The following ASB8 variants were observed in gnomAD, a reference collection of about 807,000 sequenced individuals.
ASB8 encodes the protein ankyrin repeat and SOCS box protein 8.
Under a neutral mutation model 22.9 loss-of-function variants are expected in ASB8, and 15 were observed. The ratio of observed to expected loss-of-function variants is 0.66; its 90% CI spans 0.44 to 1.01. The LOEUF is 1.01. Ranked by LOEUF, ASB8 falls within the 50% of genes least tolerant of loss-of-function variation. The pLI is 0.00. For missense variants in ASB8, 294 were observed against 356.9 expected (o/e 0.82, Z 1.42); for synonymous variants, 124 against 140.8 (o/e 0.88, Z 0.84).
At chr12:48,150,095 T>C (rs781163641) in intron 3 of ASB8, 97 bp from the exon 4 acceptor site, 147 of 1,353,196 alleles carry the variant, frequency 1.1e-4, no homozygotes, top group African/African-American at 2.9e-5. Flanking sequence ...ACCTTTGCTA[T>C]GCAGTGCTCT....
At chr12:48,151,383 G>C in intron 2 of ASB8, 78 bp from the exon 3 acceptor site, 2 of 1,214,210 alleles carry the variant, frequency 1.6e-6, no homozygotes, top group Middle Eastern at 2.2e-4. Context: ...ACTGAGTCCA[G>C]GGGACAGAGA....
chr12:48,148,171 A>G lies in ASB8; in HGVS notation c.*1195T>C, dbSNP rs560518357. On this transcript the variant is annotated 3_prime_UTR_variant, in exon 4 of 4. Transcript: ENST00000317697. Reference sequence around the variant, plus strand: ...GAACAACTGAAAGAAAAATAATTCCAAACTAAGCAGAGTGAACTTTCCATT... The same window carrying G: ...GAACAACTGAAAGAAAAATAATTCCGAACTAAGCAGAGTGAACTTTCCATT... 1 of 152,348 alleles carries G rather than the reference A, an allele frequency of 6.6e-6. No homozygotes were observed. The highest frequency in any genetic ancestry group is 1.5e-5 in the Non-Finnish European group (1 of 68,036). The allele number at this position is 152,348 out of a possible 1,614,324, so 9.4% of individuals were successfully genotyped here.
intron 3 of ASB8, 181 bp from the exon 4 acceptor site, chr12:48,150,179 C>T: frequency 1.4e-6 from 1 of 728,156 alleles, no homozygotes; most frequent in Non-Finnish European, 2.4e-6. Context: ...AGCTTAGGAG[C>T]AAAAAGGAAA....
At chr12:48,154,165 A>G (rs1951252817) in intron 1 of ASB8, among the ~76,000 whole-genome samples, 1 of 152,210 alleles carries the variant, frequency 6.6e-6, no homozygotes, top group African/African-American at 2.4e-5. Flanking sequence ...AACATTTTCA[A>G]ATGTGTTCAG....
chr12:48,155,218 C>T (rs947558068), intron 1 of ASB8, among the ~76,000 whole-genome samples: 6 of 152,138 alleles, frequency 3.9e-5, no homozygotes, highest in African/African-American at 1.4e-4. Context: ...AGTATCAGCT[C>T]TCTAGGTGCA....
intron 2 of ASB8, chr12:48,151,663 G>A (rs1165665376): frequency 7.4e-7 from 1 of 1,344,720 alleles, no homozygotes; most frequent in African/African-American, 1.5e-5. Context: ...TGGCCACCAT[G>A]CTCTGGAAAA....
chr12:48,151,660 C>G, intron 2 of ASB8: 1 of 1,350,088 alleles, frequency 7.4e-7, no homozygotes, highest in Non-Finnish European at 9.7e-7. Context: ...CTATGGCCAC[C>G]ATGCTCTGGA....
Position 48,153,486 on chromosome 12 carries a change from C to T in ASB8, c.11G>A (p.Ser4Asn), listed in dbSNP as rs1236502805. 6.2e-7 allele frequency: 1 copy of T among 1,613,924 alleles called. No homozygotes were observed. The highest frequency in any genetic ancestry group is 1.7e-5 in the Admixed American group (1 of 60,020). ...AATGCTCTGCATAATATACCACATACTGGAACTCATCAAGGCTCAAGGTGT... is the reference window on the plus strand; with the variant it reads ...AATGCTCTGCATAATATACCACATATTGGAACTCATCAAGGCTCAAGGTGT... MSS[S>N]MWYIMQSIQS... Residue 4 changes from serine (S) to asparagine (N), a missense_variant, in exon 2 of 4, where the codon AGT becomes AAT. Physicochemically the swap from Ser to Asn is conservative, Grantham distance 46. Coordinates refer to ENST00000317697, the MANE Select transcript of ASB8 (RefSeq NM_024095.5).
chr12:48,154,442 C>A (rs1335320081), intron 1 of ASB8, among the ~76,000 whole-genome samples: 3 of 144,590 alleles, frequency 2.1e-5, no homozygotes, highest in Non-Finnish European at 4.5e-5. Context: ...GATCGGGCCA[C>A]CGCACTCCAG....
chr12:48,155,734 A>T (rs1467295099), intron 1 of ASB8, among the ~76,000 whole-genome samples: 28 of 107,838 alleles, frequency 2.6e-4, no homozygotes, highest in East Asian at 7.6e-4. Flanking sequence ...CATCTCAAAA[A>T]AAAAAAAAAT....
intron 2 of ASB8, chr12:48,151,625 G>A (rs1364962021): frequency 9.3e-6 from 13 of 1,396,978 alleles, no homozygotes; most frequent in Non-Finnish European, 9.4e-7. Context: ...CATCAGGCAG[G>A]AAAGCTGGAC....
Position 48,149,256 on chromosome 12 carries a change from T to C in ASB8, c.*110A>G. 8.1e-7 allele frequency: 1 copy of C among 1,238,878 alleles called. No individual in the cohort carries two copies. The allele number at this position is 1,238,878 out of a possible 1,614,324, so 76.7% of individuals were successfully genotyped here. On this transcript the variant is annotated 3_prime_UTR_variant, in exon 4 of 4. Coordinates refer to ENST00000317697, the MANE Select transcript of ASB8 (RefSeq NM_024095.5). ...TGTTGTGACATGTTGCTTCGAAATC[T>C]ATAAACCACACAACAGGAACAACTG...
chr12:48,152,977 C>T (rs1173340118), intron 2 of ASB8: 1 of 177,536 alleles, frequency 5.6e-6, no homozygotes, highest in Admixed American at 5.8e-5. Flanking sequence ...GCACTCCAGC[C>T]TGGGTGACAA....
At chr12:48,153,222 C>A (rs1339668232) in intron 2 of ASB8, 146 bp downstream of exon 2, 4 of 940,392 alleles carry the variant, frequency 4.3e-6, no homozygotes, top group Non-Finnish European at 4.9e-6. Flanking sequence ...AGGGGAAATA[C>A]ATTTTAATGA....
rs183904739 is a variant in ASB8, at chr12:48,155,186, C to T, written c.-33-1657G>A. Among the ~76,000 whole-genome samples the T allele has an allele frequency of 8.4e-3, 1,275 of 152,178 alleles. 16 individuals carry two copies. Among genetic ancestry groups the T allele is most frequent in the African/African-American group, 0.028 (1,155 of 41,508 alleles). The stretch of plus-strand genomic sequence containing the variant: ...TCTATGAAACAGTACATATCAAAAA[C>T]AATAGGGAAAATATAATACACAGTA... On this transcript the variant is annotated intron_variant, in intron 1 of 3. Coordinates refer to ENST00000317697, the MANE Select transcript of ASB8 (RefSeq NM_024095.5).
chr12:48,149,386 A>G lies in ASB8; in HGVS notation c.847T>C (p.Tyr283His). 1 of 1,614,038 alleles carries G rather than the reference A, an allele frequency of 6.2e-7. No homozygotes were observed. Among genetic ancestry groups the G allele is most frequent in the Non-Finnish European group, 8.5e-7 (1 of 1,179,906 alleles). The change falls in exon 4 of 4, where the codon TAC (tyrosine) becomes CAC (histidine). Residue 283 changes from tyrosine to histidine, a missense_variant. Tyr to His is a moderately conservative substitution (Grantham distance 83). Transcript: ENST00000317697. Reference sequence around the variant, plus strand: ...TCCGGCTATTCTAAAAGTAACAGGTATTCCTTCAAAGAAGCTGGCAGTGGA... The same window carrying G: ...TCCGGCTATTCTAAAAGTAACAGGTGTTCCTTCAAAGAAGCTGGCAGTGGA... ...GLPLPASLKE[Y>H]LLLLE is the part of the protein sequence containing the mutation.
At chr12:48,152,150 CAAA>C (rs61131844) in intron 2 of ASB8, among the ~76,000 whole-genome samples, 10 of 127,886 alleles carry the variant, frequency 7.8e-5, no homozygotes, top group African/African-American at 2.9e-4. Flanking sequence ...AACTCCGTCT[CAAA>C]AAAAAAAAAA....
intron 3 of ASB8, among the ~76,000 whole-genome samples, chr12:48,150,359 T>C (rs1242243914): frequency 6.6e-6 from 1 of 152,246 alleles, no homozygotes; most frequent in Non-Finnish European, 1.5e-5. Context: ...TCTGAAACAT[T>C]ACTGGAAAGC....
In ASB8 at chr12:48,149,411, A is replaced by C. The variant is rs776233050; in HGVS notation, c.822T>G (p.Leu274=). Residue 274 remains leucine, a synonymous_variant, in exon 4 of 4, where the codon CTT becomes CTG. Coordinates refer to ENST00000317697, the MANE Select transcript of ASB8 (RefSeq NM_024095.5). ...ATTCCTTCAAAGAAGCTGGCAGTGG[A>C]AGGCCCTTCACTGCATCGGGGAGAT... The part of the protein sequence containing the change: ...LQYLPDAVKG[L]PLPASLKEYL... 6.2e-7 allele frequency: 1 copy of C among 1,614,094 alleles called. No homozygotes were observed. The highest frequency in any genetic ancestry group is 8.5e-7 in the Non-Finnish European group (1 of 1,179,920).
Sources: allele counts gnomAD v4.1 joint callset (sites outside exome capture counted in the v4.1 genomes callset), GRCh38; gene constraint gnomAD v4.1.1; transcripts MANE v1.5; gene names NCBI Gene and HGNC (gene_info 2026-07-23, HGNC 2026-07-21).